Variants in ZNF804A observed in about 807,000 individuals in gnomAD.
ZNF804A encodes zinc finger protein 804A.
In ZNF804A, 2 loss-of-function variants were observed where a neutral mutation model predicts 16.5. The ratio of observed to expected loss-of-function variants is 0.12; its 90% CI spans 0.05 to 0.38. The LOEUF (loss-of-function observed/expected upper bound fraction) is 0.38, where lower values mean the gene tolerates loss of function less well. Among genes scored for constraint, ZNF804A ranks in the 10% least tolerant of loss-of-function variants. The pLI, the probability that ZNF804A is intolerant of heterozygous loss-of-function variation, is 0.99. For synonymous variants in ZNF804A, 534 were observed against 489.6 expected (o/e 1.09, Z -1.20); for missense variants, 1,473 against 1,390.7 (o/e 1.06, Z -0.94).
chr2:184,760,333 G>A (rs773783003), intron 1 of ZNF804A, among the ~76,000 whole-genome samples: 1 of 152,016 alleles, frequency 6.6e-6, no homozygotes. Flanking sequence ...TATGTAATAT[G>A]TAAATAAGTA....
intron 2 of ZNF804A, among the ~76,000 whole-genome samples, chr2:184,909,658 G>C (rs139769838): frequency 6.6e-6 from 1 of 151,866 alleles, no homozygotes; most frequent in East Asian, 1.9e-4. Context: ...TAATTTACAA[G>C]ATAAATTCAC....
chr2:184,766,517 G>C (rs555962186), intron 1 of ZNF804A, among the ~76,000 whole-genome samples: 1 of 151,124 alleles, frequency 6.6e-6, no homozygotes, highest in African/African-American at 2.4e-5. Flanking sequence ...ATATAACCTT[G>C]TCTTTGAGTA....
chr2:184,712,571 C>T (rs915317125), intron 1 of ZNF804A, among the ~76,000 whole-genome samples: 3 of 151,678 alleles, frequency 2.0e-5, no homozygotes, highest in Non-Finnish European at 3.0e-5. Flanking sequence ...CTATTTCTCT[C>T]TCTGTATTTG....
chr2:184,755,711 C>G (rs1315953929), intron 1 of ZNF804A, among the ~76,000 whole-genome samples: 1 of 151,730 alleles, frequency 6.6e-6, no homozygotes, highest in Non-Finnish European at 1.5e-5. Context: ...TTTTTAAAGC[C>G]CATTTTAATG....
At chr2:184,732,773 G>A (rs529139276) in intron 1 of ZNF804A, among the ~76,000 whole-genome samples, 1 of 151,814 alleles carries the variant, frequency 6.6e-6, no homozygotes, top group Non-Finnish European at 1.5e-5. Context: ...TTTGTTTTGG[G>A]GGATGTTAAT....
intron 1 of ZNF804A, among the ~76,000 whole-genome samples, chr2:184,846,273 A>G (rs1695515563): frequency 6.6e-6 from 1 of 152,116 alleles, no homozygotes; most frequent in Admixed American, 6.6e-5. Context: ...ACAACTTACT[A>G]TGTAAACCAT....
rs1692407745 is a variant in ZNF804A, at chr2:184,675,461, A to C, written c.111+76391A>C. ...GATATATTTTATTTAATTTTCTTGC[A>C]TATGTTTGATAATTCTTTTTAAATA... On this transcript the variant is annotated intron_variant, in intron 1 of 3. Coordinates refer to ENST00000302277, the MANE Select transcript of ZNF804A (RefSeq NM_194250.2). Among the ~76,000 whole-genome samples the C allele has an allele frequency of 2.0e-5, 3 of 151,696 alleles. No homozygotes were observed. The South Asian group carries it at 6.2e-4, about 31-fold the overall frequency.
rs376945095 is a variant in ZNF804A, at chr2:184,922,607, G to C, written c.256-10996G>C. Among the ~76,000 whole-genome samples the C allele has an allele frequency of 5.9e-5, 9 of 151,944 alleles. No individual in the cohort carries two copies. The East Asian group carries it at 1.5e-3, about 26-fold the overall frequency. On this transcript the variant is annotated intron_variant, in intron 2 of 3. Transcript: ENST00000302277. The stretch of plus-strand genomic sequence containing the variant: ...GTGCAGAAGCTTTTTAATTTGATGT[G>C]GCCCTATTTGTCCATGTTTCCTTTG...
intron 1 of ZNF804A, among the ~76,000 whole-genome samples, chr2:184,796,710 T>G (rs1373715436): frequency 6.6e-6 from 1 of 152,190 alleles, no homozygotes; most frequent in African/African-American, 2.4e-5. Flanking sequence ...CCTTGAGGTG[T>G]GTCCTTAGAA....
intron 2 of ZNF804A, among the ~76,000 whole-genome samples, chr2:184,914,902 T>C (rs942428005): frequency 3.3e-5 from 5 of 151,854 alleles, no homozygotes; most frequent in Admixed American, 1.3e-4. Flanking sequence ...ATTCACTAGA[T>C]TGATATTATT....
chr2:184,898,252 T>G (rs1461144430), intron 2 of ZNF804A, among the ~76,000 whole-genome samples: 1 of 152,130 alleles, frequency 6.6e-6, no homozygotes, highest in African/African-American at 2.4e-5. Flanking sequence ...TGCACATAAG[T>G]GAGTTATATT....
chr2:184,599,204 A>T, intron 1 of ZNF804A, 134 bp downstream of exon 1: 1 of 703,354 alleles, frequency 1.4e-6, no homozygotes, highest in Non-Finnish European at 2.4e-6. Flanking sequence ...GTGGGGTGAG[A>T]ATTGGGTGTA....
At chr2:184,897,960 T>C (rs1458772277) in intron 2 of ZNF804A, among the ~76,000 whole-genome samples, 1 of 152,158 alleles carries the variant, frequency 6.6e-6, no homozygotes, top group Admixed American at 6.6e-5. Flanking sequence ...AACCAAGATC[T>C]GGGCTCTAGG....
intron 1 of ZNF804A, among the ~76,000 whole-genome samples, chr2:184,748,007 T>C (rs987533356): frequency 4.6e-5 from 7 of 151,608 alleles, no homozygotes; most frequent in Non-Finnish European, 1.0e-4. Context: ...CATATGTATA[T>C]GTAACACATT....
intron 1 of ZNF804A, among the ~76,000 whole-genome samples, chr2:184,674,572 GGAATAATGAGAGGGTA>G (rs1201093755): frequency 6.6e-6 from 1 of 151,634 alleles, no homozygotes; most frequent in Non-Finnish European, 1.5e-5. Flanking sequence ...TTGATACCTA[GGAATAATGAGAGGGTA>G]GAAGTATAAA....
At chr2:184,681,658 G>T (rs566279325) in intron 1 of ZNF804A, among the ~76,000 whole-genome samples, 1 of 152,230 alleles carries the variant, frequency 6.6e-6, no homozygotes, top group East Asian at 1.9e-4. Context: ...CCTGTCTGGT[G>T]CAGTCACTGC....
rs557747551 is a variant in ZNF804A at position 184,822,758 on chromosome 2, TAGTA to T, written c.112-43607_112-43604del. 6.6e-5 allele frequency among the ~76,000 whole-genome samples: 10 copies of T among 152,224 alleles called. No individual in the cohort carries two copies. The South Asian group carries it at 1.5e-3, about 22-fold the overall frequency. On this transcript the variant is annotated intron_variant, in intron 1 of 3. Coordinates refer to ENST00000302277, the MANE Select transcript of ZNF804A (RefSeq NM_194250.2). ...CTTATAGAACACAAGACTAAATACT[TAGTA>T]AGTCAATAGCAATATTAGTACATTT...
chr2:184,910,450 C>G (rs893269523), intron 2 of ZNF804A, among the ~76,000 whole-genome samples: 15 of 151,930 alleles, frequency 9.9e-5, no homozygotes, highest in African/African-American at 3.1e-4. Context: ...ATGCATGTGT[C>G]TTTATCGTAG....
chr2:184,855,606 A>G (rs1291197752), intron 1 of ZNF804A, among the ~76,000 whole-genome samples: 1 of 129,670 alleles, frequency 7.7e-6, no homozygotes, highest in South Asian at 2.3e-4. Flanking sequence ...ATACACATAT[A>G]TATATATATA....
Sources: gnomAD v4.1 joint callset for allele counts (sites outside exome capture counted in the v4.1 genomes callset) on GRCh38, gnomAD v4.1.1 for gene constraint, MANE v1.5 for transcripts, NCBI Gene and HGNC (gene_info 2026-07-23, HGNC 2026-07-21) for gene names.